Variants in LTO1 observed in about 807,000 individuals in gnomAD.
LTO1 encodes the protein protein LTO1 homolog.
A neutral mutation model predicts 19.8 loss-of-function variants in LTO1; 18 were observed. That is an observed-to-expected ratio of 0.91 (90% CI 0.63 to 1.35). The LOEUF is 1.35. LTO1 is among the 40% of genes most tolerant of loss of function. The pLI, the probability that LTO1 is intolerant of heterozygous loss-of-function variation, is 0.00. For synonymous variants in LTO1, 59 were observed against 59.6 expected, an observed-to-expected ratio of 0.99 and a Z score of 0.05; for missense variants, 175 against 167.9, an observed-to-expected ratio of 1.04 and a Z score of -0.23.
intron 1 of LTO1, chr11:69,674,480 A>T: frequency 3.1e-6 from 1 of 325,026 alleles, no homozygotes; most frequent in Non-Finnish European, 6.1e-6. Flanking sequence ...CCCACTTAAT[A>T]GTTGTGTGAC....
At chr11:69,670,160 GC>G (rs1231199391) in intron 3 of LTO1, among the ~76,000 whole-genome samples, 2 of 152,182 alleles carry the variant, frequency 1.3e-5, no homozygotes, top group African/African-American at 4.8e-5. Flanking sequence ...GCTTCCACCA[GC>G]CCCTCGTCAA....
chr11:69,672,192 G>A (rs1856119368), intron 2 of LTO1: 2 of 224,002 alleles, frequency 8.9e-6, no homozygotes, highest in Admixed American at 4.9e-5. Context: ...TGAATGTCAC[G>A]AGGACACACA....
At chr11:69,674,665 C>T (rs752073178) in intron 1 of LTO1, 8 of 421,452 alleles carry the variant, frequency 1.9e-5, no homozygotes, top group Non-Finnish European at 3.3e-5. Context: ...GCTTTCTTAA[C>T]TAACATCTAT....
In LTO1 at chr11:69,671,779, A is replaced by T; in HGVS notation, c.197T>A (p.Leu66Gln). 1 of 1,603,264 alleles carries T rather than the reference A, an allele frequency of 6.2e-7. No homozygotes were observed. The highest frequency in any genetic ancestry group is 8.5e-7 in the Non-Finnish European group (1 of 1,170,060). ...YQGFAFAWKCLLHSCTTEKDS... is the reference protein window; with the variant it reads ...YQGFAFAWKCQLHSCTTEKDS... Reference sequence around the variant, plus strand: ...CTTCTCAGTGGTGCAACTGTGCAGTAGACATTTCCATGCAAAAGCAAAACC... The same window carrying T: ...CTTCTCAGTGGTGCAACTGTGCAGTTGACATTTCCATGCAAAAGCAAAACC... The change falls in exon 3 of 5, where the codon CTA (leucine) becomes CAA (glutamine). Residue 66 changes from leucine (L) to glutamine (Q), a missense_variant. Transcript: ENST00000279147.
chr11:69,674,827 T>C (rs1039989446), intron 1 of LTO1: 1 of 519,218 alleles, frequency 1.9e-6, no homozygotes, highest in African/African-American at 1.9e-5. Context: ...TACTGCCGTA[T>C]GTCCTATGAT....
At position 69,671,838 on chromosome 11, in the gene LTO1, T is replaced by C; in HGVS notation, c.157-19A>G. The C allele has an allele frequency of 6.8e-7, 1 of 1,481,030 alleles. No individual in the cohort carries two copies. Among genetic ancestry groups the C allele is most frequent in the Non-Finnish European group, 9.4e-7 (1 of 1,058,802 alleles). 91.7% of individuals were successfully genotyped at this position (1,481,030 alleles called of 1,614,324 possible). ...ACCCGATCTGTGAATGTGAAAAATA[T>C]TTAAGAGTGAAATTAATAAGCAACT... On this transcript the variant is annotated intron_variant, in intron 2 of 4. Coordinates refer to ENST00000279147, the MANE Select transcript of LTO1 (RefSeq NM_153451.3).
chr11:69,670,038 G>T (rs1459841129), intron 3 of LTO1, among the ~76,000 whole-genome samples: 1 of 151,830 alleles, frequency 6.6e-6, no homozygotes, highest in Admixed American at 6.6e-5. Context: ...AACCTGACAT[G>T]TAAGATCTAA....
rs1439402608 is a variant in LTO1 at position 69,666,948 on chromosome 11, T to G, written c.*571A>C. On this transcript the variant is annotated 3_prime_UTR_variant, in exon 5 of 5. Transcript: ENST00000279147. ...TCCTAGCTCTGCTGCTGGGTGCCCT[T>G]AGACCAGGCAATCCCTTCGCGTCTC... 1 of 152,594 alleles carries G rather than the reference T, an allele frequency of 6.6e-6. No homozygotes were observed. The highest frequency in any genetic ancestry group is 1.5e-5 in the Non-Finnish European group (1 of 68,394). 9.5% of individuals were successfully genotyped at this position (152,594 alleles called of 1,614,324 possible).
At chr11:69,668,487 C>A in intron 3 of LTO1, 1 of 155,374 alleles carries the variant, frequency 6.4e-6, no homozygotes. Context: ...ACTGTCCCCT[C>A]CCCAGGGAGG....
rs1187971295 is a variant in LTO1 at position 69,665,570 on chromosome 11, T to C, written c.*1949A>G. The C allele has an allele frequency of 6.6e-6, 1 of 152,236 alleles. No individual in the cohort carries two copies. Among genetic ancestry groups the C allele is most frequent in the African/African-American group, 2.4e-5 (1 of 41,448 alleles). 9.4% of individuals were successfully genotyped at this position (152,236 alleles called of 1,614,324 possible). A position where few individuals can be genotyped will look rare whatever the true frequency, so the allele number is the denominator to read the frequency against. ...TTATAAATGGTCCCAAACTTTCACT[T>C]TAAAATATGCTATTTACTTTTTTTA... is the stretch of plus-strand genomic sequence containing the variant. On this transcript the variant is annotated 3_prime_UTR_variant, in exon 5 of 5. Transcript: ENST00000279147.
chr11:69,670,768 C>T (rs1051453303), intron 3 of LTO1, among the ~76,000 whole-genome samples: 4 of 152,224 alleles, frequency 2.6e-5, no homozygotes, highest in South Asian at 2.1e-4. Context: ...GCTCAGGTCC[C>T]GCGCTTGCTG....
At chr11:69,668,293 C>G (rs1349127445) in intron 3 of LTO1, 1 of 347,898 alleles carries the variant, frequency 2.9e-6, no homozygotes, top group African/African-American at 2.1e-5. Flanking sequence ...AGAAGCCCTG[C>G]TGACTCTCGA....
rs752395261 is a variant in LTO1 at position 69,671,748 on chromosome 11, C to T, written c.227+1G>A. 3.2e-6 allele frequency: 5 copies of T among 1,563,062 alleles called. No homozygotes were observed. The East Asian group carries it at 1.1e-4, about 35-fold the overall frequency. On this transcript the variant is annotated splice_donor_variant, in intron 3 of 4. Transcript: ENST00000279147. LOFTEE classifies it high-confidence loss of function. ...AGAAAGAAAGACATCTCCACCTTTA[C>T]CTGTCCTTCTCAGTGGTGCAACTGT...
intron 2 of LTO1, 61 bp downstream of exon 2, chr11:69,673,155 C>A: frequency 1.0e-6 from 1 of 969,216 alleles, no homozygotes; most frequent in Non-Finnish European, 1.7e-6. Flanking sequence ...CACTGAATAT[C>A]GAAATAAATT....
In LTO1 at chr11:69,666,948, T is replaced by C. The variant is rs1439402608; in HGVS notation, c.*571A>G. ...TCCTAGCTCTGCTGCTGGGTGCCCTTAGACCAGGCAATCCCTTCGCGTCTC... is the reference window on the plus strand; with the variant it reads ...TCCTAGCTCTGCTGCTGGGTGCCCTCAGACCAGGCAATCCCTTCGCGTCTC... On this transcript the variant is annotated 3_prime_UTR_variant, in exon 5 of 5. Transcript: ENST00000279147. 1.3e-5 allele frequency: 2 copies of C among 152,594 alleles called. No individual in the cohort carries two copies. Among genetic ancestry groups the C allele is most frequent in the African/African-American group, 2.4e-5 (1 of 41,432 alleles). The allele number at this position is 152,594 out of a possible 1,614,324, so 9.5% of individuals were successfully genotyped here. A position where few individuals can be genotyped will look rare whatever the true frequency, so the allele number is the denominator to read the frequency against.
intron 3 of LTO1, among the ~76,000 whole-genome samples, chr11:69,670,681 G>A (rs1376515503): frequency 6.6e-6 from 1 of 151,324 alleles, no homozygotes; most frequent in Non-Finnish European, 1.5e-5. Flanking sequence ...CGTAGTCAGG[G>A]AGAGAGTTAC....
chr11:69,674,679 C>A, intron 1 of LTO1: 1 of 443,840 alleles, frequency 2.3e-6, no homozygotes, highest in South Asian at 1.6e-5. Flanking sequence ...CATCTATGGA[C>A]GCGTCCTCTG....
Position 69,667,125 on chromosome 11 carries a change from T to TA in LTO1, c.*393_*394insT, listed in dbSNP as rs531986944. On this transcript the variant is annotated 3_prime_UTR_variant, in exon 5 of 5. Coordinates refer to ENST00000279147, the MANE Select transcript of LTO1 (RefSeq NM_153451.3). ...CGTCCAAACCTCCCATGAGCCTCAT[T>TA]CGGGGCCAACCATCTCTCTCATTGC... is the stretch of plus-strand genomic sequence containing the variant. 345 of 184,568 alleles carry TA rather than the reference T, an allele frequency of 1.9e-3. 1 individual carries two copies. Among genetic ancestry groups the TA allele is most frequent in the South Asian group, 2.7e-3 (18 of 6,746 alleles). The allele number at this position is 184,568 out of a possible 1,614,324, so 11.4% of individuals were successfully genotyped here. A position where few individuals can be genotyped will look rare whatever the true frequency, so the allele number is the denominator to read the frequency against.
Position 69,675,130 on chromosome 11 carries a change from G to A in LTO1, c.50+60C>T, listed in dbSNP as rs576357002. The A allele has an allele frequency of 5.4e-4, 808 of 1,506,926 alleles. 3 individuals are homozygous for A. The African/African-American group carries it at 0.01, about 19-fold the overall frequency. 93.3% of individuals were successfully genotyped at this position (1,506,926 alleles called of 1,614,324 possible). On this transcript the variant is annotated intron_variant, in intron 1 of 4. Coordinates refer to ENST00000279147, the MANE Select transcript of LTO1 (RefSeq NM_153451.3). ...GCAGCCGCCCTGGGCCGCAGCCGGC[G>A]GCGAAGCCGCTGGGAGACGACCAGA...
Sources: allele counts gnomAD v4.1 joint callset (sites outside exome capture counted in the v4.1 genomes callset), GRCh38; gene constraint gnomAD v4.1.1; transcripts MANE v1.5; gene names NCBI Gene and HGNC (gene_info 2026-07-23, HGNC 2026-07-21).